AGBL4: variants seen among roughly 807,000 people sequenced by gnomAD.
The protein encoded by AGBL4 is cytosolic carboxypeptidase 6.
A neutral mutation model predicts 66.4 loss-of-function variants in AGBL4; 58 were observed. The observed-to-expected ratio is 0.87, with a 90% CI of 0.71 to 1.09. AGBL4 has a LOEUF of 1.09. AGBL4 is among the 50% of genes least tolerant of loss of function. AGBL4 has a pLI of 0.00. For missense variants in AGBL4, 579 were observed against 631.0 expected (o/e 0.92, Z 0.88); for synonymous variants, 234 against 222.9 (o/e 1.05, Z -0.44).
intron 6 of AGBL4, among the ~76,000 whole-genome samples, chr1:48,836,556 A>G (rs904441257): frequency 1.3e-5 from 2 of 152,124 alleles, no homozygotes; most frequent in African/African-American, 2.4e-5. Flanking sequence ...TCTACTGCAC[A>G]AAAGAAAAAA....
At chr1:48,616,445 T>G (rs1347097612) in intron 9 of AGBL4, among the ~76,000 whole-genome samples, 1 of 152,130 alleles carries the variant, frequency 6.6e-6, no homozygotes, top group East Asian at 1.9e-4. Flanking sequence ...ACAGAATAGT[T>G]CATAATAGTA....
At chr1:48,795,439 T>A (rs1303161213) in intron 6 of AGBL4, among the ~76,000 whole-genome samples, 1 of 152,184 alleles carries the variant, frequency 6.6e-6, no homozygotes, top group Non-Finnish European at 1.5e-5. Flanking sequence ...CTTTTTTCTT[T>A]AACTTTTTAT....
chr1:48,998,402 G>T (rs1661168455), intron 5 of AGBL4, among the ~76,000 whole-genome samples: 1 of 152,148 alleles, frequency 6.6e-6, no homozygotes, highest in African/African-American at 2.4e-5. Context: ...CATACGGTAT[G>T]GTGGAGACTG....
intron 4 of AGBL4, among the ~76,000 whole-genome samples, chr1:49,207,515 C>CTT (rs1299270593): frequency 3.1e-4 from 43 of 138,804 alleles, no homozygotes; most frequent in South Asian, 9.7e-4. Context: ...CTTTTTCTTT[C>CTT]TTTCTTTCTC....
intron 5 of AGBL4, among the ~76,000 whole-genome samples, chr1:48,980,993 C>T (rs1031917067): frequency 6.6e-6 from 1 of 151,868 alleles, no homozygotes; most frequent in African/African-American, 2.4e-5. Flanking sequence ...TAAATCTGAC[C>T]TCTGGTAATG....
chr1:48,864,056 C>T (rs1647754575), intron 6 of AGBL4, among the ~76,000 whole-genome samples: 1 of 151,954 alleles, frequency 6.6e-6, no homozygotes, highest in Admixed American at 6.6e-5. Context: ...ATAAGTGACA[C>T]AGTACTGATA....
intron 3 of AGBL4, among the ~76,000 whole-genome samples, chr1:49,334,067 T>C (rs1397233094): frequency 5.3e-5 from 8 of 152,168 alleles, no homozygotes; most frequent in Non-Finnish European, 1.2e-4. Flanking sequence ...TAGCCATGAG[T>C]AATAATTATA....
intron 3 of AGBL4, among the ~76,000 whole-genome samples, chr1:49,628,911 A>G (rs1326676454): frequency 6.6e-6 from 1 of 152,186 alleles, no homozygotes; most frequent in Admixed American, 6.5e-5. Context: ...CTTCTCTAAC[A>G]ATGATACCCT....
intron 12 of AGBL4, among the ~76,000 whole-genome samples, chr1:48,537,712 A>G (rs1177432031): frequency 6.6e-6 from 1 of 152,224 alleles, no homozygotes; most frequent in African/African-American, 2.4e-5. Flanking sequence ...ATGATTAAGG[A>G]TCAAGATAAT....
chr1:49,419,147 A>G (rs1266637833), intron 3 of AGBL4, among the ~76,000 whole-genome samples: 1 of 152,180 alleles, frequency 6.6e-6, no homozygotes, highest in Non-Finnish European at 1.5e-5. Flanking sequence ...ATACAAAAAT[A>G]TTAGTATTAT....
chr1:48,632,066 T>C (rs1645602871), intron 9 of AGBL4, among the ~76,000 whole-genome samples: 1 of 151,770 alleles, frequency 6.6e-6, no homozygotes, highest in Non-Finnish European at 1.5e-5. Flanking sequence ...CATATATAAA[T>C]AAATAGAGAA....
At chr1:49,218,849 G>C (rs540035920) in intron 4 of AGBL4, among the ~76,000 whole-genome samples, 2 of 152,116 alleles carry the variant, frequency 1.3e-5, no homozygotes, top group Non-Finnish European at 2.9e-5. Context: ...CTCATGACAG[G>C]GAATAAGTCT....
chr1:49,404,584 A>G (rs1391947012), intron 3 of AGBL4, among the ~76,000 whole-genome samples: 1 of 152,174 alleles, frequency 6.6e-6, no homozygotes, highest in Non-Finnish European at 1.5e-5. Flanking sequence ...ACACTATATG[A>G]TCCTTGAGGG....
intron 1 of AGBL4, among the ~76,000 whole-genome samples, chr1:49,910,027 A>G (rs556219718): frequency 6.6e-6 from 1 of 152,334 alleles, no homozygotes; most frequent in East Asian, 1.9e-4. Context: ...AGAGATGTCG[A>G]GGCTTAAGGT....
At chr1:49,175,125 G>A (rs1646808014) in intron 4 of AGBL4, 1 of 152,210 alleles carries the variant, frequency 6.6e-6, no homozygotes, top group Non-Finnish European at 1.5e-5. Context: ...TGGGTTTAAT[G>A]AGAGTTGAGA....
At chr1:48,797,745 C>T (rs1043325475) in intron 6 of AGBL4, among the ~76,000 whole-genome samples, 1 of 152,086 alleles carries the variant, frequency 6.6e-6, no homozygotes, top group African/African-American at 2.4e-5. Flanking sequence ...TGGGGTTTCA[C>T]CATGTTGGCC....
intron 1 of AGBL4, among the ~76,000 whole-genome samples, chr1:49,870,249 T>C (rs1646805404): frequency 1.3e-5 from 2 of 152,108 alleles, no homozygotes; most frequent in African/African-American, 2.4e-5. Context: ...TGTTTTTAAA[T>C]GAAAATCACT....
At chr1:49,407,690 C>G (rs913102064) in intron 3 of AGBL4, among the ~76,000 whole-genome samples, 3 of 151,664 alleles carry the variant, frequency 2.0e-5, no homozygotes, top group African/African-American at 7.3e-5. Context: ...AAAAGAGGAA[C>G]ACTTTTTAAT....
chr1:49,433,346 T>TGGTA (rs1006214901), intron 3 of AGBL4, among the ~76,000 whole-genome samples: 5 of 152,066 alleles, frequency 3.3e-5, no homozygotes, highest in Non-Finnish European at 1.5e-5. Flanking sequence ...TCTCAATCTG[T>TGGTA]GGTATCTGAC....
Sources: gnomAD v4.1 joint callset for allele counts (sites outside exome capture counted in the v4.1 genomes callset) on GRCh38, gnomAD v4.1.1 for gene constraint, MANE v1.5 for transcripts, NCBI Gene and HGNC (gene_info 2026-07-23, HGNC 2026-07-21) for gene names.